Variants in DDR2 observed in about 807,000 individuals in gnomAD.
DDR2 encodes discoidin domain receptor tyrosine kinase 2, also known as discoidin domain-containing receptor 2.
In DDR2, 27 loss-of-function variants were observed where a neutral mutation model predicts 94.9. The observed-to-expected ratio is 0.28, with a 90% CI of 0.21 to 0.39. DDR2 has a LOEUF of 0.39. DDR2 is among the 10% of genes least tolerant of loss of function. DDR2 has a pLI of 1.00. For missense variants in DDR2, 783 were observed against 1,076.0 expected (o/e 0.73, Z 3.81); for synonymous variants, 382 against 377.2 (o/e 1.01, Z -0.15).
At chr1:162,707,784 G>A (rs1268576693) in intron 2 of DDR2, among the ~76,000 whole-genome samples, 3 of 152,066 alleles carry the variant, frequency 2.0e-5, no homozygotes, top group Non-Finnish European at 4.4e-5. Flanking sequence ...TATTCATACC[G>A]CTATTCAAAA....
chr1:162,780,471 G>A lies in DDR2; in HGVS notation c.*225G>A, dbSNP rs1255702852. 1.4e-5 allele frequency: 8 copies of A among 563,112 alleles called. No individual in the cohort carries two copies. In the African/African-American group the frequency reaches 1.5e-4, roughly 11 times the overall value. The allele number at this position is 563,112 out of a possible 1,614,324, so 34.9% of individuals were successfully genotyped here. On this transcript the variant is annotated 3_prime_UTR_variant, in exon 18 of 18. Transcript: ENST00000367921. ...CTAAAAAAGGAAAAAAAAAAGCCTA[G>A]GGCAGATACAATCTAGTAAAAGAAA...
chr1:162,658,101 C>T (rs142489297), intron 2 of DDR2, among the ~76,000 whole-genome samples: 1 of 152,292 alleles, frequency 6.6e-6, no homozygotes, highest in Non-Finnish European at 1.5e-5. Context: ...CCTGCATTTC[C>T]AATTATGACT....
chr1:162,745,686 G>GT (rs1292032661), intron 3 of DDR2, among the ~76,000 whole-genome samples: 2 of 151,812 alleles, frequency 1.3e-5, no homozygotes, highest in East Asian at 1.9e-4. Flanking sequence ...CTATATGTCT[G>GT]TTTTTTCAGG....
At chr1:162,763,745 C>T (rs370135614) in intron 9 of DDR2, among the ~76,000 whole-genome samples, 34 of 151,676 alleles carry the variant, frequency 2.2e-4, no homozygotes, top group African/African-American at 6.5e-4. Context: ...TTGGATTTTT[C>T]GGTGGAAGAA....
chr1:162,683,194 C>A lies in DDR2; in HGVS notation c.-28+27820C>A, dbSNP rs368481601. Among the ~76,000 whole-genome samples the A allele has an allele frequency of 6.6e-5, 10 of 152,030 alleles. No individual in the cohort carries two copies. The East Asian group carries it at 1.7e-3, about 26-fold the overall frequency. On this transcript the variant is annotated intron_variant, in intron 2 of 17. Transcript: ENST00000367921. Reference sequence around the variant, plus strand: ...CGGCAAGTTAGGAATAGAATAATTACCTCAATTAAAAAGTTTACAGCTAAC... The same window carrying A: ...CGGCAAGTTAGGAATAGAATAATTAACTCAATTAAAAAGTTTACAGCTAAC...
intron 2 of DDR2, among the ~76,000 whole-genome samples, chr1:162,666,376 T>A (rs1658565986): frequency 6.6e-6 from 1 of 152,150 alleles, no homozygotes; most frequent in Non-Finnish European, 1.5e-5. Context: ...TCAGTAAGTA[T>A]TTGTGGAATG....
intron 9 of DDR2, among the ~76,000 whole-genome samples, chr1:162,762,509 A>G (rs1328725989): frequency 6.6e-6 from 1 of 152,150 alleles, no homozygotes; most frequent in African/African-American, 2.4e-5. Context: ...ATCAATAACC[A>G]CTGTCTGAAT....
chr1:162,743,241 G>A (rs1662696084), intron 3 of DDR2, among the ~76,000 whole-genome samples: 1 of 151,908 alleles, frequency 6.6e-6, no homozygotes, highest in Non-Finnish European at 1.5e-5. Flanking sequence ...AAGCAGAAGG[G>A]CCCTCTTGCC....
chr1:162,740,993 G>A (rs954540490), intron 3 of DDR2, among the ~76,000 whole-genome samples: 5 of 151,810 alleles, frequency 3.3e-5, no homozygotes, highest in African/African-American at 9.7e-5. Context: ...TTAAAGTCTG[G>A]TGTATTGGGA....
At chr1:162,662,805 G>A (rs957608932) in intron 2 of DDR2, among the ~76,000 whole-genome samples, 3 of 151,934 alleles carry the variant, frequency 2.0e-5, no homozygotes, top group African/African-American at 7.3e-5. Context: ...GATTGATTGC[G>A]ATTCAGTAGA....
chr1:162,756,274 A>T (rs1663462678), intron 7 of DDR2, among the ~76,000 whole-genome samples: 1 of 152,306 alleles, frequency 6.6e-6, no homozygotes, highest in Admixed American at 6.5e-5. Context: ...GTAGCAGAGG[A>T]AGGTAGGTAG....
At chr1:162,671,476 A>T (rs922359522) in intron 2 of DDR2, among the ~76,000 whole-genome samples, 1 of 152,136 alleles carries the variant, frequency 6.6e-6, no homozygotes, top group African/African-American at 2.4e-5. Context: ...ATAGAGGAAG[A>T]TGGGGTTATT....
Position 162,718,108 on chromosome 1 carries a change from G to T in DDR2, c.-27-929G>T, listed in dbSNP as rs1424611379. ...CTCATGGATATTTATTTTATTCTTT[G>T]GTTTATAATTCAATACTGCTGTTTT... On this transcript the variant is annotated intron_variant, in intron 2 of 17. Coordinates refer to ENST00000367921, the MANE Select transcript of DDR2 (RefSeq NM_006182.4). Among the ~76,000 whole-genome samples the T allele has an allele frequency of 2.6e-5, 4 of 152,138 alleles. No individual in the cohort carries two copies. The East Asian group carries it at 7.7e-4, about 29-fold the overall frequency.
At position 162,721,182 on chromosome 1, in the gene DDR2, A is replaced by G. The variant is rs533485141; in HGVS notation, c.82+2037A>G. The stretch of plus-strand genomic sequence containing the variant: ...GGATGTTTTGGTGGTAAGCATAGTC[A>G]TGGAGACTGGCATGCCACGAGGACA... On this transcript the variant is annotated intron_variant, in intron 3 of 17. Coordinates refer to ENST00000367921, the MANE Select transcript of DDR2 (RefSeq NM_006182.4). 5.5e-4 allele frequency among the ~76,000 whole-genome samples: 84 copies of G among 152,332 alleles called. 1 individual carries two copies. The highest frequency in any genetic ancestry group is 1.9e-3 in the African/African-American group (77 of 41,566).
chr1:162,693,039 C>T (rs892225884), intron 2 of DDR2, among the ~76,000 whole-genome samples: 2 of 152,068 alleles, frequency 1.3e-5, no homozygotes, highest in African/African-American at 2.4e-5. Flanking sequence ...ACCTCACAAA[C>T]CTAATTTTGA....
At chr1:162,709,021 A>T (rs118143268) in intron 2 of DDR2, among the ~76,000 whole-genome samples, 1 of 152,258 alleles carries the variant, frequency 6.6e-6, no homozygotes, top group East Asian at 1.9e-4. Flanking sequence ...TTACATGTTA[A>T]CTCATTTCAT....
intron 12 of DDR2, 55 bp downstream of exon 12, chr1:162,770,567 G>A (rs532813252): frequency 1.2e-5 from 19 of 1,554,466 alleles, no homozygotes; most frequent in Non-Finnish European, 1.6e-5. Context: ...CAAGCATCAG[G>A]TAGGTATGAC....
chr1:162,702,361 T>A (rs1451854443), intron 2 of DDR2, among the ~76,000 whole-genome samples: 1 of 152,170 alleles, frequency 6.6e-6, no homozygotes, highest in African/African-American at 2.4e-5. Flanking sequence ...TGCAAGCAGC[T>A]TATACTTAGG....
At chr1:162,633,266 A>C (rs574004187) in intron 1 of DDR2, among the ~76,000 whole-genome samples, 47 of 152,150 alleles carry the variant, frequency 3.1e-4, no homozygotes, top group African/African-American at 1.1e-3. Flanking sequence ...TTGTTATGGA[A>C]TGACTGGGGC....
Sources: allele counts gnomAD v4.1 joint callset (sites outside exome capture counted in the v4.1 genomes callset), GRCh38; gene constraint gnomAD v4.1.1; transcripts MANE v1.5; gene names NCBI Gene and HGNC (gene_info 2026-07-23, HGNC 2026-07-21).